ZNF385D: variants seen among roughly 807,000 people sequenced by gnomAD.
ZNF385D encodes zinc finger protein 659.
Under a neutral mutation model 35.8 loss-of-function variants are expected in ZNF385D, and 15 were observed. The ratio of observed to expected loss-of-function variants is 0.42; its 90% CI spans 0.28 to 0.64. The LOEUF is 0.64. Ranked by LOEUF, ZNF385D falls within the 30% of genes least tolerant of loss-of-function variation. ZNF385D has a pLI of 0.23. For synonymous variants in ZNF385D, 212 were observed against 186.8 expected (o/e 1.13, Z -1.10); for missense variants, 474 against 494.6 (o/e 0.96, Z 0.39).
chr3:22,081,732 G>C (rs1231909469), intron 3 of ZNF385D, among the ~76,000 whole-genome samples: 1 of 152,142 alleles, frequency 6.6e-6, no homozygotes, highest in East Asian at 1.9e-4. Context: ...TGGCAGAGTA[G>C]TTATGACAAA....
chr3:21,645,683 A>G (rs1347642909), intron 2 of ZNF385D, among the ~76,000 whole-genome samples: 1 of 152,140 alleles, frequency 6.6e-6, no homozygotes, highest in African/African-American at 2.4e-5. Context: ...AGCAGTCACC[A>G]TGGCTCGCTG....
intron 3 of ZNF385D, among the ~76,000 whole-genome samples, chr3:21,971,230 A>G (rs1379001396): frequency 6.6e-6 from 1 of 152,126 alleles, no homozygotes; most frequent in Non-Finnish European, 1.5e-5. Flanking sequence ...AGAAAGACTA[A>G]AAGATGAACC....
chr3:22,199,283 T>C (rs1010384955), intron 2 of ZNF385D, among the ~76,000 whole-genome samples: 3 of 152,114 alleles, frequency 2.0e-5, no homozygotes, highest in Non-Finnish European at 4.4e-5. Context: ...ACATCTCAGA[T>C]CAGAGAAACA....
chr3:22,358,736 T>G (rs186153535), intron 2 of ZNF385D, among the ~76,000 whole-genome samples: 1 of 151,732 alleles, frequency 6.6e-6, no homozygotes, highest in South Asian at 2.1e-4. Context: ...ATTTTGAATG[T>G]GGAGCAGGCA....
chr3:21,865,745 TA>T (rs1236780492), intron 3 of ZNF385D, among the ~76,000 whole-genome samples: 1 of 152,162 alleles, frequency 6.6e-6, no homozygotes, highest in East Asian at 1.9e-4. Flanking sequence ...CCATTAAAAT[TA>T]TTTTGTGAAA....
At chr3:22,322,379 A>C (rs1403322962) in intron 2 of ZNF385D, among the ~76,000 whole-genome samples, 1 of 152,184 alleles carries the variant, frequency 6.6e-6, no homozygotes, top group African/African-American at 2.4e-5. Flanking sequence ...TTCTATTGTA[A>C]TATTTTTCCT....
intron 2 of ZNF385D, among the ~76,000 whole-genome samples, chr3:22,320,566 A>G (rs1694364046): frequency 6.6e-6 from 1 of 150,828 alleles, no homozygotes; most frequent in Admixed American, 6.7e-5. Flanking sequence ...GTATACATAG[A>G]TAAGTATGTT....
intron 1 of ZNF385D, among the ~76,000 whole-genome samples, chr3:21,740,506 T>C (rs1271620539): frequency 6.6e-6 from 1 of 152,200 alleles, no homozygotes. Context: ...TAATATGGAC[T>C]TCTTTTGGGT....
chr3:21,458,691 G>T (rs1180089728), intron 4 of ZNF385D, among the ~76,000 whole-genome samples: 1 of 151,808 alleles, frequency 6.6e-6, no homozygotes, highest in Non-Finnish European at 1.5e-5. Flanking sequence ...AAAGAAATCG[G>T]CCACAAAATA....
At chr3:21,900,687 T>C (rs1699361324) in intron 3 of ZNF385D, among the ~76,000 whole-genome samples, 1 of 152,120 alleles carries the variant, frequency 6.6e-6, no homozygotes. Flanking sequence ...AATAGTGGTA[T>C]TAGCTTGTTG....
intron 2 of ZNF385D, among the ~76,000 whole-genome samples, chr3:22,258,530 G>A (rs371533483): frequency 2.0e-5 from 3 of 151,516 alleles, no homozygotes; most frequent in Non-Finnish European, 4.4e-5. Flanking sequence ...CTAAAAAAAG[G>A]CCTCTCTGGG....
intron 3 of ZNF385D, among the ~76,000 whole-genome samples, chr3:21,883,872 A>T (rs1698403762): frequency 6.6e-6 from 1 of 152,042 alleles, no homozygotes; most frequent in African/African-American, 2.4e-5. Flanking sequence ...TCGGTCTGAG[A>T]CTGAGACATG....
intron 2 of ZNF385D, among the ~76,000 whole-genome samples, chr3:21,654,302 A>G (rs115783165): frequency 6.6e-6 from 1 of 152,058 alleles, no homozygotes; most frequent in East Asian, 1.9e-4. Context: ...AACTCAAGAT[A>G]AAATGTGGAA....
intron 3 of ZNF385D, among the ~76,000 whole-genome samples, chr3:22,097,235 G>C (rs1227392988): frequency 6.6e-6 from 1 of 152,022 alleles, no homozygotes; most frequent in African/African-American, 2.4e-5. Context: ...AATACATTTT[G>C]AGGTGGTTTG....
chr3:21,888,850 C>CA (rs1245342675), intron 3 of ZNF385D, among the ~76,000 whole-genome samples: 2 of 152,196 alleles, frequency 1.3e-5, no homozygotes, highest in Non-Finnish European at 2.9e-5. Context: ...GGCAGAGGGC[C>CA]AAGTCTGTGG....
rs995099356 is a variant in ZNF385D, at chr3:22,161,649, T to C, written c.325+7168A>G. ...AAAAAAGTATGCTAACAGAAAAAGA[T>C]ACATTTCTGGCATGATAGAGAATAT... On this transcript the variant is annotated intron_variant, in intron 3 of 5. Transcript: ENST00000494108. 6.6e-5 allele frequency among the ~76,000 whole-genome samples: 10 copies of C among 152,154 alleles called. No individual in the cohort carries two copies. The South Asian group carries it at 8.3e-4, about 13-fold the overall frequency.
chr3:22,352,858 C>T (rs1018376826), intron 2 of ZNF385D, among the ~76,000 whole-genome samples: 1 of 152,114 alleles, frequency 6.6e-6, no homozygotes, highest in Admixed American at 6.6e-5. Flanking sequence ...TATAATCTTT[C>T]AGTCACTTTC....
chr3:22,143,415 A>G (rs1704651754), intron 3 of ZNF385D, among the ~76,000 whole-genome samples: 1 of 152,160 alleles, frequency 6.6e-6, no homozygotes, highest in African/African-American at 2.4e-5. Flanking sequence ...TAAAATAAAG[A>G]CAACTAAATG....
intron 3 of ZNF385D, among the ~76,000 whole-genome samples, chr3:21,560,556 C>T (rs559677477): frequency 1.3e-5 from 2 of 152,278 alleles, no homozygotes; most frequent in South Asian, 4.1e-4. Flanking sequence ...CCAGCGAGAG[C>T]TCTCCTGTAT....
Sources: gnomAD v4.1 joint callset for allele counts (sites outside exome capture counted in the v4.1 genomes callset) on GRCh38, gnomAD v4.1.1 for gene constraint, MANE v1.5 for transcripts, NCBI Gene and HGNC (gene_info 2026-07-23, HGNC 2026-07-21) for gene names.